The following MSI2 variants were observed in gnomAD, a reference collection of about 807,000 sequenced individuals.
The protein encoded by MSI2 is musashi RNA binding protein 2.
MSI2 carries 17 observed loss-of-function variants against 45.6 expected under a neutral mutation model. That is an observed-to-expected ratio of 0.37 (90% CI 0.26 to 0.56). The LOEUF (loss-of-function observed/expected upper bound fraction) is 0.56, where lower values mean the gene tolerates loss of function less well. Among genes scored for constraint, MSI2 ranks in the 20% least tolerant of loss-of-function variants. MSI2 has a pLI of 0.77. For missense variants in MSI2, 293 were observed against 444.2 expected, an observed-to-expected ratio of 0.66 and a Z score of 3.06; for synonymous variants, 156 against 158.2, an observed-to-expected ratio of 0.99 and a Z score of 0.11.
chr17:57,691,200 C>CTCTCTCATCTATCT, the MSI2 span, among the ~76,000 whole-genome samples: 1 of 140,206 alleles, frequency 7.1e-6, no homozygotes, highest in Non-Finnish European at 1.5e-5. Flanking sequence ...CTCTCTCTCT[C>CTCTCTCATCTATCT]ATCTATCTAT....
chr17:57,527,644 G>A lies in MSI2; in HGVS notation c.406-2032G>A, dbSNP rs996380074. Among the ~76,000 whole-genome samples the A allele has an allele frequency of 2.4e-4, 36 of 152,208 alleles. 1 individual carries two copies. Among genetic ancestry groups the A allele is most frequent in the Non-Finnish European group, 8.8e-5 (6 of 68,036 alleles). On this transcript the variant is annotated intron_variant, in intron 6 of 13. Coordinates refer to ENST00000284073, the MANE Select transcript of MSI2 (RefSeq NM_138962.4). ...CTCCCAGTAACTGACTTCAGAAATGGGGAGCAGAAGGGGAAGGCCCCAGGA... is the reference window on the plus strand; with the variant it reads ...CTCCCAGTAACTGACTTCAGAAATGAGGAGCAGAAGGGGAAGGCCCCAGGA...
chr17:57,529,504 A>G lies in MSI2; in HGVS notation c.406-172A>G, dbSNP rs1031365492. 3.6e-5 allele frequency among the ~76,000 whole-genome samples: 4 copies of G among 109,786 alleles called. No individual in the cohort carries two copies. The highest frequency in any genetic ancestry group is 2.0e-4 in the African/African-American group (4 of 19,962). The allele number at this position is 109,786 out of a possible 152,430, so 72.0% of individuals were successfully genotyped here. On this transcript the variant is annotated intron_variant, in intron 6 of 13. Transcript: ENST00000284073. This position sits in a 1 kb window ranked among gnomAD's most constrained non-coding sequence, Gnocchi z 5.3. The stretch of plus-strand genomic sequence containing the variant: ...AACTGTATACAACGGTGTGGAGTGG[A>G]AAGACCACTGTTTTTTTTTCTTTCT...
intron 6 of MSI2, among the ~76,000 whole-genome samples, chr17:57,446,148 T>C (rs2084896315): frequency 6.7e-6 from 1 of 149,484 alleles, no homozygotes; most frequent in Non-Finnish European, 1.5e-5. Context: ...GACTGGGGAG[T>C]GGGGTGGGGT....
rs924247417 is a variant in MSI2 at position 57,407,240 on chromosome 17, G to A, written c.405+5769G>A. 2.6e-5 allele frequency among the ~76,000 whole-genome samples: 4 copies of A among 152,284 alleles called. No individual in the cohort carries two copies. The East Asian group carries it at 5.8e-4, about 22-fold the overall frequency. ...GGGCGATTGTGGGTGAGTGAGGCCCGAGGAAGCGCTGGGTGCCTGCGATCT... is the reference window on the plus strand; with the variant it reads ...GGGCGATTGTGGGTGAGTGAGGCCCAAGGAAGCGCTGGGTGCCTGCGATCT... On this transcript the variant is annotated intron_variant, in intron 6 of 13. Coordinates refer to ENST00000284073, the MANE Select transcript of MSI2 (RefSeq NM_138962.4). This position sits in a 1 kb window ranked among gnomAD's most constrained non-coding sequence, Gnocchi z 4.1.
chr17:57,651,561 G>T (rs1427476075), intron 10 of MSI2, among the ~76,000 whole-genome samples: 2 of 152,240 alleles, frequency 1.3e-5, no homozygotes, highest in Non-Finnish European at 2.9e-5. Flanking sequence ...CAAAAGTCTG[G>T]AGTTAAAAAG....
intron 7 of MSI2, among the ~76,000 whole-genome samples, chr17:57,548,581 CAG>C (rs1428546739): frequency 1.1e-4 from 17 of 151,682 alleles, no homozygotes; most frequent in Admixed American, 1.3e-4. Flanking sequence ...CTGGGAGAAA[CAG>C]GGAGTAGGGA....
At chr17:57,638,486 ACAGGGT>A (rs1391914785) in intron 10 of MSI2, among the ~76,000 whole-genome samples, 1 of 152,234 alleles carries the variant, frequency 6.6e-6, no homozygotes, top group East Asian at 1.9e-4. Context: ...GAGCAGCTGC[ACAGGGT>A]ACAGAGGGAG....
At chr17:57,607,149 T>G (rs1439851337) in intron 8 of MSI2, among the ~76,000 whole-genome samples, 1 of 152,244 alleles carries the variant, frequency 6.6e-6, no homozygotes, top group African/African-American at 2.4e-5. Flanking sequence ...GTGCTTTATA[T>G]CCATTATGTG....
intron 6 of MSI2, among the ~76,000 whole-genome samples, chr17:57,444,335 A>G (rs1193230030): frequency 6.6e-6 from 1 of 152,040 alleles, no homozygotes; most frequent in Non-Finnish European, 1.5e-5. Flanking sequence ...CTATAATCCC[A>G]GCACTTTGGG....
chr17:57,285,063 G>C (rs4794716), intron 5 of MSI2, among the ~76,000 whole-genome samples: 81,707 of 151,740 alleles, frequency 0.54, 24,551 homozygotes, highest in Middle Eastern at 0.69. Context: ...GATTGGCGTC[G>C]GTTTCTTAGA....
intron 6 of MSI2, among the ~76,000 whole-genome samples, chr17:57,486,530 C>T (rs544568057): frequency 3.0e-4 from 45 of 152,266 alleles, no homozygotes; most frequent in Non-Finnish European, 2.2e-4. Context: ...GATTTCCTTT[C>T]GTTTTATGCA....
At chr17:57,396,403 A>C (rs1041679906) in intron 5 of MSI2, among the ~76,000 whole-genome samples, 4 of 89,584 alleles carry the variant, frequency 4.5e-5, no homozygotes, top group African/African-American at 1.6e-4. Context: ...AAACACACAC[A>C]GCACACACAC....
chr17:57,533,278 G>T (rs907656668), intron 7 of MSI2, among the ~76,000 whole-genome samples: 1 of 152,202 alleles, frequency 6.6e-6, no homozygotes, highest in Non-Finnish European at 1.5e-5. Flanking sequence ...TGAGCCTCCC[G>T]CAATGTATGT....
chr17:57,447,060 T>A (rs2084913664), intron 6 of MSI2, among the ~76,000 whole-genome samples: 1 of 152,198 alleles, frequency 6.6e-6, no homozygotes, highest in Admixed American at 6.5e-5. Context: ...GCTGCCACAG[T>A]ACAAGTTTAG....
chr17:57,346,288 G>A (rs1444787091), intron 5 of MSI2, among the ~76,000 whole-genome samples: 4 of 146,748 alleles, frequency 2.7e-5, no homozygotes, highest in African/African-American at 1.0e-4. Flanking sequence ...GTTTAACAGC[G>A]AAGTAACCCC....
At chr17:57,492,597 T>C (rs1486263143) in intron 6 of MSI2, among the ~76,000 whole-genome samples, 1 of 149,408 alleles carries the variant, frequency 6.7e-6, no homozygotes, top group Non-Finnish European at 1.5e-5. Context: ...GAACTCCATT[T>C]GGGTTCTCAG....
At chr17:57,454,268 C>T (rs942461337) in intron 6 of MSI2, among the ~76,000 whole-genome samples, 20 of 152,152 alleles carry the variant, frequency 1.3e-4, no homozygotes, top group Non-Finnish European at 2.2e-4. Context: ...GCCCACCATC[C>T]GGTGTCACCA....
chr17:57,500,923 A>G (rs2143865181), intron 6 of MSI2, among the ~76,000 whole-genome samples: 1 of 151,524 alleles, frequency 6.6e-6, no homozygotes, highest in Middle Eastern at 3.4e-3. Flanking sequence ...TGATTGTACC[A>G]CTGCAGTACA....
chr17:57,257,333 G>A, intron 2 of MSI2, 133 bp from the exon 3 acceptor site: 1 of 622,590 alleles, frequency 1.6e-6, no homozygotes, highest in Admixed American at 3.4e-5. Context: ...CCCCGCGTGT[G>A]CAAAAAATGC....
Sources: allele counts gnomAD v4.1 joint callset (sites outside exome capture counted in the v4.1 genomes callset), GRCh38; gene constraint gnomAD v4.1.1; non-coding constraint Gnocchi (gnomAD v3.1); transcripts MANE v1.5; gene names NCBI Gene and HGNC (gene_info 2026-07-23, HGNC 2026-07-21).